ROR1: variants seen among roughly 807,000 people sequenced by gnomAD.
ROR1 encodes ROR family WNT receptor 1.
A neutral mutation model predicts 78.8 loss-of-function variants in ROR1; 19 were observed. That is an observed-to-expected ratio of 0.24 (90% CI 0.17 to 0.35). The LOEUF (loss-of-function observed/expected upper bound fraction) is 0.35, where lower values mean the gene tolerates loss of function less well. ROR1 is among the 10% of genes least tolerant of loss of function. The pLI, the probability that ROR1 is intolerant of heterozygous loss-of-function variation, is 1.00. For synonymous variants in ROR1, 386 were observed against 433.6 expected (o/e 0.89, Z 1.36); for missense variants, 917 against 1,177.8 (o/e 0.78, Z 3.24).
Position 63,824,149 on chromosome 1 carries a change from A to G in ROR1, c.91+49641A>G, listed in dbSNP as rs76962383. On this transcript the variant is annotated intron_variant, in intron 1 of 8. Coordinates refer to ENST00000371079, the MANE Select transcript of ROR1 (RefSeq NM_005012.4). ...CTCCTAATGAGTTTTCCTTTGGGTA[A>G]TGGAACTGATCTTGTCTTTTCTGTG... 9.2e-3 allele frequency among the ~76,000 whole-genome samples: 1,394 copies of G among 152,324 alleles called. 26 individuals are homozygous for G. The highest frequency in any genetic ancestry group is 0.032 in the African/African-American group (1,339 of 41,570).
At chr1:64,051,032 A>C (rs758031652) in intron 4 of ROR1, among the ~76,000 whole-genome samples, 11 of 152,162 alleles carry the variant, frequency 7.2e-5, no homozygotes, top group Non-Finnish European at 1.6e-4. Context: ...AAAATGATAT[A>C]GTGCTGGCAT....
At chr1:64,061,348 C>A (rs1408703369) in intron 4 of ROR1, among the ~76,000 whole-genome samples, 1 of 152,134 alleles carries the variant, frequency 6.6e-6, no homozygotes, top group Non-Finnish European at 1.5e-5. Context: ...TACACTTTCC[C>A]TTCCTATATT....
chr1:63,826,385 C>A, intron 1 of ROR1, among the ~76,000 whole-genome samples: 1 of 152,114 alleles, frequency 6.6e-6, no homozygotes, highest in East Asian at 1.9e-4. Context: ...AGGATAATGG[C>A]CTCCAGCTCC....
At chr1:63,978,407 T>C (rs1331068804) in intron 1 of ROR1, among the ~76,000 whole-genome samples, 1 of 152,206 alleles carries the variant, frequency 6.6e-6, no homozygotes, top group East Asian at 1.9e-4. Flanking sequence ...TGACAATAAT[T>C]ATACTTTTAT....
At chr1:63,949,204 A>C (rs1229666139) in intron 1 of ROR1, among the ~76,000 whole-genome samples, 3 of 152,186 alleles carry the variant, frequency 2.0e-5, no homozygotes, top group Non-Finnish European at 4.4e-5. Flanking sequence ...ATGGAAAAGA[A>C]AAAAGGAAAG....
intron 1 of ROR1, among the ~76,000 whole-genome samples, chr1:63,853,367 T>C (rs1251203631): frequency 6.6e-6 from 1 of 152,204 alleles, no homozygotes; most frequent in East Asian, 1.9e-4. Flanking sequence ...CAAGATCATA[T>C]ATAGGTTGGG....
At chr1:63,908,409 T>G (rs1263148473) in intron 1 of ROR1, among the ~76,000 whole-genome samples, 1 of 152,194 alleles carries the variant, frequency 6.6e-6, no homozygotes. Context: ...CTATTTTTCT[T>G]TGGTAAACAG....
chr1:64,149,331 A>G (rs1649558540), intron 7 of ROR1, among the ~76,000 whole-genome samples: 1 of 152,222 alleles, frequency 6.6e-6, no homozygotes, highest in East Asian at 1.9e-4. Context: ...CTACCATGCC[A>G]TAACTGCTTA....
chr1:63,947,045 T>C (rs554837944), intron 1 of ROR1, among the ~76,000 whole-genome samples: 3 of 152,034 alleles, frequency 2.0e-5, no homozygotes, highest in Non-Finnish European at 2.9e-5. Flanking sequence ...TGTGAAAAAA[T>C]AGATCTACTT....
At chr1:63,824,939 TG>T (rs1405206974) in intron 1 of ROR1, among the ~76,000 whole-genome samples, 1 of 152,168 alleles carries the variant, frequency 6.6e-6, no homozygotes, top group African/African-American at 2.4e-5. Context: ...TATTTGTCAG[TG>T]TTGTTGAATA....
chr1:63,871,603 A>G (rs1645251678), intron 1 of ROR1, among the ~76,000 whole-genome samples: 1 of 152,190 alleles, frequency 6.6e-6, no homozygotes, highest in Non-Finnish European at 1.5e-5. Context: ...TCTCTACCCA[A>G]CTTGGTAGAA....
At chr1:64,060,247 C>CTG (rs1646906769) in intron 4 of ROR1, among the ~76,000 whole-genome samples, 1 of 152,164 alleles carries the variant, frequency 6.6e-6, no homozygotes, top group South Asian at 2.1e-4. Flanking sequence ...GTAGCTAGCA[C>CTG]TGTACCTGAT....
intron 1 of ROR1, chr1:63,789,028 C>A: frequency 1.6e-6 from 1 of 631,542 alleles, no homozygotes; most frequent in Non-Finnish European, 3.0e-6. Flanking sequence ...ATCCACGTGA[C>A]CTTCTCTGGC....
chr1:64,079,608 AT>A (rs995510014), intron 4 of ROR1, among the ~76,000 whole-genome samples: 39 of 151,270 alleles, frequency 2.6e-4, no homozygotes, highest in African/African-American at 9.1e-4. Context: ...AGTAGCTGGG[AT>A]TAGCTGGGAT....
intron 4 of ROR1, among the ~76,000 whole-genome samples, chr1:64,102,942 C>T (rs1647620770): frequency 6.6e-6 from 1 of 152,298 alleles, no homozygotes; most frequent in African/African-American, 2.4e-5. Context: ...CAGCTGTCCC[C>T]TGGGATGACA....
chr1:64,089,858 G>A (rs1353514499), intron 4 of ROR1, among the ~76,000 whole-genome samples: 1 of 152,128 alleles, frequency 6.6e-6, no homozygotes, highest in Admixed American at 6.6e-5. Flanking sequence ...GCAGAGACCT[G>A]GTGGGAGATA....
intron 2 of ROR1, among the ~76,000 whole-genome samples, chr1:64,024,648 A>G (rs1349826370): frequency 6.6e-6 from 1 of 152,200 alleles, no homozygotes; most frequent in Admixed American, 6.5e-5. Flanking sequence ...GGCCCAGGAC[A>G]GTACCTGGCC....
At chr1:64,020,142 C>T (rs138506172) in intron 2 of ROR1, among the ~76,000 whole-genome samples, 1,920 of 152,236 alleles carry the variant, frequency 0.013, 43 homozygotes, top group African/African-American at 0.043. Flanking sequence ...TACTTCTAGC[C>T]TCCAGAAATG....
chr1:63,784,993 C>G (rs1325873204), intron 1 of ROR1, among the ~76,000 whole-genome samples: 2 of 152,186 alleles, frequency 1.3e-5, no homozygotes, highest in African/African-American at 4.8e-5. Flanking sequence ...TATATTGTTT[C>G]TCAAGGGCAG....
Sources: gnomAD v4.1 joint callset for allele counts (sites outside exome capture counted in the v4.1 genomes callset) on GRCh38, gnomAD v4.1.1 for gene constraint, MANE v1.5 for transcripts, NCBI Gene and HGNC (gene_info 2026-07-23, HGNC 2026-07-21) for gene names.